GRIN2B: variants seen among roughly 807,000 people sequenced by gnomAD.
GRIN2B encodes the protein glutamate receptor ionotropic, NMDA 2B.
GRIN2B carries 5 observed loss-of-function variants against 114.5 expected under a neutral mutation model. That is an observed-to-expected ratio of 0.04 (90% confidence interval 0.02 to 0.09). The LOEUF is 0.09. Among genes scored for constraint, GRIN2B ranks in the 10% least tolerant of loss-of-function variants. The pLI is 1.00. For synonymous variants in GRIN2B, 787 were observed against 745.1 expected (o/e 1.06, Z -0.92); for missense variants, 1,108 against 1,943.5 (o/e 0.57, Z 8.08).
At chr12:13,683,309 C>T (rs12366858) in intron 4 of GRIN2B, among the ~76,000 whole-genome samples, 18 of 152,020 alleles carry the variant, frequency 1.2e-4, no homozygotes, top group Admixed American at 2.0e-4. Context: ...ATATAACACA[C>T]GTACACACTC....
At chr12:13,649,763 A>G (rs911137279) in intron 5 of GRIN2B, among the ~76,000 whole-genome samples, 1 of 152,094 alleles carries the variant, frequency 6.6e-6, no homozygotes, top group Non-Finnish European at 1.5e-5. Context: ...CATCTTCTGC[A>G]TAACTAAGTG....
chr12:13,833,729 T>C (rs1865196112), intron 3 of GRIN2B, among the ~76,000 whole-genome samples: 1 of 152,084 alleles, frequency 6.6e-6, no homozygotes, highest in Non-Finnish European at 1.5e-5. Flanking sequence ...TTCACTCCCA[T>C]TCCTACCCCA....
chr12:13,819,349 C>A (rs978969419), intron 3 of GRIN2B, among the ~76,000 whole-genome samples: 1 of 152,062 alleles, frequency 6.6e-6, no homozygotes. Context: ...GTTACCGGGG[C>A]CCTAGAAAAC....
intron 10 of GRIN2B, among the ~76,000 whole-genome samples, chr12:13,607,353 A>T (rs868354932): frequency 0.23 from 11,364 of 49,960 alleles, 2,223 homozygotes; most frequent in Middle Eastern, 0.32. Context: ...AATATATAAA[A>T]TATATAATAT....
rs558486937 is a variant in GRIN2B, at chr12:13,820,519, T to C, written c.411+45279A>G. On this transcript the variant is annotated intron_variant, in intron 3 of 13. Transcript: ENST00000609686. ...TTCTCTGTATTCTGACAGCACGCAT[T>C]GTTCACCCCTGTTATAGTACTCAAT... Among the ~76,000 whole-genome samples, 4 of 152,346 alleles carry C rather than the reference T, an allele frequency of 2.6e-5. No homozygotes were observed. The East Asian group carries it at 7.7e-4, about 29-fold the overall frequency.
chr12:13,830,810 G>C (rs1053757654), intron 3 of GRIN2B, among the ~76,000 whole-genome samples: 1 of 152,166 alleles, frequency 6.6e-6, no homozygotes, highest in African/African-American at 2.4e-5. Context: ...AGGAAATAAG[G>C]CCTAACAGGA....
In GRIN2B at chr12:13,897,245, G is replaced by T. The variant is rs533961255; in HGVS notation, c.-18-31019C>A. On this transcript the variant is annotated intron_variant, in intron 2 of 13. Coordinates refer to ENST00000609686, the MANE Select transcript of GRIN2B (RefSeq NM_000834.5). Reference sequence around the variant, plus strand: ...GTTCAGTCAGCCTCACTCACGCGGGGAGACTAGGGCCCAGCCTAGCTAGAG... The same window carrying T: ...GTTCAGTCAGCCTCACTCACGCGGGTAGACTAGGGCCCAGCCTAGCTAGAG... Among the ~76,000 whole-genome samples the T allele has an allele frequency of 9.9e-4, 151 of 152,220 alleles. 1 individual carries two copies. Among genetic ancestry groups the T allele is most frequent in the Non-Finnish European group, 1.9e-3 (127 of 68,010 alleles).
intron 4 of GRIN2B, among the ~76,000 whole-genome samples, chr12:13,726,655 AT>A (rs142748276): frequency 1.1e-4 from 16 of 150,880 alleles, no homozygotes; most frequent in African/African-American, 3.4e-4. Context: ...AATTTCATGT[AT>A]TTTTTTAAAT....
chr12:13,573,067 C>T lies in GRIN2B; in HGVS notation c.2011-1103G>A, dbSNP rs780769225. Among the ~76,000 whole-genome samples, 22 of 129,592 alleles carry T rather than the reference C, an allele frequency of 1.7e-4. 2 individuals are homozygous for T. Among genetic ancestry groups the T allele is most frequent in the Non-Finnish European group, 3.1e-4 (18 of 57,552 alleles). The allele number at this position is 129,592 out of a possible 152,430, so 85.0% of individuals were successfully genotyped here. ...TGTAACCTTGGGCAAGTAGCATAAA[C>T]GCTCTGTGCATCCTGTCCTCATTTG... On this transcript the variant is annotated intron_variant, in intron 10 of 13. Transcript: ENST00000609686.
intron 2 of GRIN2B, among the ~76,000 whole-genome samples, chr12:13,939,695 C>A (rs1867202260): frequency 6.6e-6 from 1 of 152,028 alleles, no homozygotes; most frequent in South Asian, 2.1e-4. Context: ...GCTGGGTGCA[C>A]ACCACCATGC....
intron 5 of GRIN2B, among the ~76,000 whole-genome samples, chr12:13,654,388 A>C (rs1411391416): frequency 6.6e-6 from 1 of 152,130 alleles, no homozygotes; most frequent in East Asian, 1.9e-4. Flanking sequence ...AGACCCCAAC[A>C]ATGGTTAACT....
intron 4 of GRIN2B, among the ~76,000 whole-genome samples, chr12:13,717,397 A>G (rs1466288303): frequency 6.6e-6 from 1 of 151,984 alleles, no homozygotes; most frequent in African/African-American, 2.4e-5. Flanking sequence ...TTGGAATACT[A>G]TCTCTATCAT....
chr12:13,773,613 G>C (rs562286685), intron 3 of GRIN2B, among the ~76,000 whole-genome samples: 2 of 152,260 alleles, frequency 1.3e-5, no homozygotes, highest in East Asian at 3.9e-4. Flanking sequence ...CTGATCTCTG[G>C]AGAAGAGGTG....
chr12:13,823,715 C>T (rs892443082), intron 3 of GRIN2B, among the ~76,000 whole-genome samples: 16 of 152,120 alleles, frequency 1.1e-4, no homozygotes, highest in African/African-American at 3.9e-4. Context: ...TAAAGGCAAA[C>T]ATCCTTGCCT....
intron 2 of GRIN2B, among the ~76,000 whole-genome samples, chr12:13,949,198 G>A (rs1259588174): frequency 1.3e-5 from 2 of 152,132 alleles, no homozygotes; most frequent in East Asian, 3.9e-4. Flanking sequence ...AGAAATGAGG[G>A]GAGAAGGGAG....
At chr12:13,613,262 C>T (rs1438494256) in intron 8 of GRIN2B, among the ~76,000 whole-genome samples, 2 of 152,224 alleles carry the variant, frequency 1.3e-5, no homozygotes, top group African/African-American at 2.4e-5. Flanking sequence ...AGCACCACCT[C>T]TGTGGTCTTT....
At chr12:13,602,061 G>T (rs1949168265) in intron 10 of GRIN2B, among the ~76,000 whole-genome samples, 2 of 152,176 alleles carry the variant, frequency 1.3e-5, no homozygotes, top group Admixed American at 6.5e-5. Flanking sequence ...GAATGAAGGA[G>T]GCTCAGCGCT....
At chr12:13,667,850 A>C (rs1002376325) in intron 5 of GRIN2B, among the ~76,000 whole-genome samples, 1 of 152,186 alleles carries the variant, frequency 6.6e-6, no homozygotes, top group Non-Finnish European at 1.5e-5. Context: ...GATATGGGTA[A>C]ATTTTATTTT....
At chr12:13,755,237 T>C (rs1295755729) in intron 3 of GRIN2B, among the ~76,000 whole-genome samples, 1 of 152,228 alleles carries the variant, frequency 6.6e-6, no homozygotes, top group Non-Finnish European at 1.5e-5. Flanking sequence ...CATATTGTTG[T>C]GCAGCTGAGA....
Sources: gnomAD v4.1 joint callset for allele counts (sites outside exome capture counted in the v4.1 genomes callset) on GRCh38, gnomAD v4.1.1 for gene constraint, MANE v1.5 for transcripts, NCBI Gene and HGNC (gene_info 2026-07-23, HGNC 2026-07-21) for gene names.